CAPN3: variants seen among roughly 807,000 people sequenced by gnomAD.
CAPN3 encodes the protein calpain 3.
A neutral mutation model predicts 114.0 loss-of-function variants in CAPN3; 88 were observed. The observed-to-expected ratio is 0.77, with a 90% CI of 0.65 to 0.92. CAPN3 has a LOEUF of 0.92. Among genes scored for constraint, CAPN3 ranks in the 40% least tolerant of loss-of-function variants. The pLI is 0.00. For missense variants in CAPN3, 1,028 were observed against 1,069.0 expected, an observed-to-expected ratio of 0.96 and a Z score of 0.53; for synonymous variants, 386 against 382.9, an observed-to-expected ratio of 1.01 and a Z score of -0.09.
chr15:42,394,274 A>G lies in CAPN3; in HGVS notation c.1048A>G (p.Lys350Glu), dbSNP rs1183851819. ...GLDEVPFKGEKVKLVRLRNPW... is the reference protein window; with the variant it reads ...GLDEVPFKGEEVKLVRLRNPW... ...GCTTAAGGTCCCGTTCAAAGGTGAG[A>G]AAGTGAAGCTGGTGCGGCTGCGGAA... is the stretch of plus-strand genomic sequence containing the variant. Residue 350 changes from lysine (K) to glutamate (E), a missense_variant, in exon 8 of 24, where the codon AAA (lysine) becomes GAA (glutamate). Physicochemically the swap from Lys to Glu is moderately conservative, Grantham distance 56. Coordinates refer to ENST00000397163, the MANE Select transcript of CAPN3 (RefSeq NM_000070.3). 6.4e-7 allele frequency: 1 copy of G among 1,560,116 alleles called. No homozygotes were observed. Among genetic ancestry groups the G allele is most frequent in the South Asian group, 1.2e-5 (1 of 84,578 alleles).
chr15:42,388,343 A>C (rs1332228882), intron 4 of CAPN3, among the ~76,000 whole-genome samples: 1 of 152,146 alleles, frequency 6.6e-6, no homozygotes, highest in East Asian at 1.9e-4. Flanking sequence ...CTCACTCTGT[A>C]ATGCAGGCTG....
chr15:42,405,983 T>C (rs1197510099), intron 15 of CAPN3, 40 bp downstream of exon 15: 1 of 1,572,368 alleles, frequency 6.4e-7, no homozygotes, highest in East Asian at 2.2e-5. Flanking sequence ...TGTGTACTCA[T>C]GCATATGTAT....
chr15:42,409,519 C>T, intron 17 of CAPN3, 139 bp downstream of exon 17: 2 of 936,074 alleles, frequency 2.1e-6, no homozygotes, highest in East Asian at 2.6e-5. Flanking sequence ...GTGCGTAGCA[C>T]ACAAATCCAC....
intron 8 of CAPN3, among the ~76,000 whole-genome samples, chr15:42,396,234 A>G (rs2053684465): frequency 6.7e-6 from 1 of 149,714 alleles, no homozygotes; most frequent in Non-Finnish European, 1.5e-5. Context: ...GTCTATGTCC[A>G]GAACCCATTT....
At chr15:42,405,089 C>CAGGGA in intron 14 of CAPN3, 1 of 892,080 alleles carries the variant, frequency 1.1e-6, no homozygotes, top group Non-Finnish European at 1.3e-6. Flanking sequence ...CTGGAAGACA[C>CAGGGA]AGGGAGCAGG....
chr15:42,406,811 CTG>C (rs1566983028), intron 15 of CAPN3, among the ~76,000 whole-genome samples: 1 of 152,130 alleles, frequency 6.6e-6, no homozygotes, highest in African/African-American at 2.4e-5. Flanking sequence ...CCCCCTCAGA[CTG>C]TGACCTCCAT....
chr15:42,385,894 G>A (rs1438783338), intron 2 of CAPN3: 1 of 665,852 alleles, frequency 1.5e-6, no homozygotes, highest in East Asian at 3.2e-5. Context: ...AAAAGGAAGT[G>A]AGTTTATACT....
intron 8 of CAPN3, among the ~76,000 whole-genome samples, chr15:42,394,799 T>C (rs962222801): frequency 6.6e-6 from 1 of 152,204 alleles, no homozygotes; most frequent in Non-Finnish European, 1.5e-5. Flanking sequence ...TGTCCCTGTA[T>C]AAAGGCACAA....
chr15:42,404,515 T>C (rs1595840480), intron 14 of CAPN3: 1 of 452,924 alleles, frequency 2.2e-6, no homozygotes, highest in Non-Finnish European at 4.4e-6. Context: ...AGTGGCAGGG[T>C]TGGAACTCAC....
intron 1 of CAPN3, among the ~76,000 whole-genome samples, chr15:42,368,801 C>T (rs1220648312): frequency 6.6e-6 from 1 of 152,182 alleles, no homozygotes; most frequent in Non-Finnish European, 1.5e-5. Flanking sequence ...CCTGCAGTCC[C>T]AGCATTTTGG....
At chr15:42,373,010 G>A (rs923474111) in intron 1 of CAPN3, among the ~76,000 whole-genome samples, 4 of 151,666 alleles carry the variant, frequency 2.6e-5, no homozygotes, top group African/African-American at 9.7e-5. Flanking sequence ...CCAATATGGT[G>A]AAACCCAATC....
chr15:42,408,625 A>C (rs894110248), intron 16 of CAPN3: 2 of 396,134 alleles, frequency 5.0e-6, no homozygotes, highest in Non-Finnish European at 9.7e-6. Context: ...CCAGCTTGAG[A>C]GCGGAGGCGC....
rs189900330 is a variant in CAPN3 at position 42,364,492 on chromosome 15, G to T, written c.309+4378G>T. ...TTAATTTGTGCCTATGACCAGTCAA[G>T]ATATTAGCTACAGCAATGTGTTTGA... On this transcript the variant is annotated intron_variant, in intron 1 of 23. Transcript: ENST00000397163. Among the ~76,000 whole-genome samples, 382 of 152,328 alleles carry T rather than the reference G, an allele frequency of 2.5e-3. 3 individuals carry two copies. Among genetic ancestry groups the T allele is most frequent in the African/African-American group, 7.8e-3 (325 of 41,566 alleles).
chr15:42,397,262 A>T (rs2053721842), intron 9 of CAPN3, among the ~76,000 whole-genome samples: 1 of 152,170 alleles, frequency 6.6e-6, no homozygotes. Context: ...TCTCAGCTTA[A>T]GGAGAATTTT....
rs35924291 is a variant in CAPN3 at position 42,401,473 on chromosome 15, GCC to G, written c.1355-155_1355-154del. Among the ~76,000 whole-genome samples the G allele has an allele frequency of 0.064, 4,653 of 72,690 alleles. 182 individuals carry two copies. Among genetic ancestry groups the G allele is most frequent in the Middle Eastern group, 0.15 (14 of 92 alleles). 47.7% of individuals were successfully genotyped at this position (72,690 alleles called of 152,430 possible). On this transcript the variant is annotated intron_variant, in intron 10 of 23. Transcript: ENST00000397163. ...ACAGCTCCATCTGAATAAAGGTAGCGCCCCCCCCCCCCCCAAATCATTAGAGA... is the reference window on the plus strand; with the variant it reads ...ACAGCTCCATCTGAATAAAGGTAGCGCCCCCCCCCCCCAAATCATTAGAGA...
At chr15:42,405,979 C>T (rs74621066) in intron 15 of CAPN3, 36 bp downstream of exon 15, 10 of 1,583,214 alleles carry the variant, frequency 6.3e-6, no homozygotes, top group Middle Eastern at 1.7e-4. Context: ...AGTGTGTGTA[C>T]TCATGCATAT....
At chr15:42,386,660 G>T (rs1238735815) in intron 3 of CAPN3, among the ~76,000 whole-genome samples, 1 of 152,138 alleles carries the variant, frequency 6.6e-6, no homozygotes, top group Non-Finnish European at 1.5e-5. Flanking sequence ...CCTGTCCAGG[G>T]CTCCTGTATA....
intron 8 of CAPN3, among the ~76,000 whole-genome samples, chr15:42,394,846 A>G (rs2053647260): frequency 6.6e-6 from 1 of 152,190 alleles, no homozygotes; most frequent in Non-Finnish European, 1.5e-5. Context: ...TATCATTGAA[A>G]GGAATAGACT....
chr15:42,386,052 G>A (rs530929330), intron 2 of CAPN3, 115 bp from the exon 3 acceptor site: 75 of 787,274 alleles, frequency 9.5e-5, no homozygotes, highest in South Asian at 4.2e-4. Context: ...AAGTAGGAGA[G>A]TGGGCACCAA....
Sources: gnomAD v4.1 joint callset for allele counts (sites outside exome capture counted in the v4.1 genomes callset) on GRCh38, gnomAD v4.1.1 for gene constraint, MANE v1.5 for transcripts, NCBI Gene and HGNC (gene_info 2026-07-23, HGNC 2026-07-21) for gene names.